DGKI: variants seen among roughly 807,000 people sequenced by gnomAD.
The protein encoded by DGKI is DAG kinase iota.
DGKI carries 55 observed loss-of-function variants against 147.5 expected under a neutral mutation model. That is an observed-to-expected ratio of 0.37 (90% CI 0.30 to 0.47). The LOEUF is 0.47. Ranked by LOEUF, DGKI falls within the 20% of genes least tolerant of loss-of-function variation. The pLI, the probability that DGKI is intolerant of heterozygous loss-of-function variation, is 1.00. For synonymous variants in DGKI, 469 were observed against 477.1 expected, an observed-to-expected ratio of 0.98 and a Z score of 0.22; for missense variants, 1,007 against 1,323.8, an observed-to-expected ratio of 0.76 and a Z score of 3.71.
chr7:137,624,858 G>A (rs943054892), intron 6 of DGKI, among the ~76,000 whole-genome samples: 23 of 151,964 alleles, frequency 1.5e-4, no homozygotes, highest in African/African-American at 5.1e-4. Context: ...TGCTCACCTC[G>A]GCCTCCCAAA....
chr7:137,386,490 T>C lies in DGKI; in HGVS notation c.*4730A>G, dbSNP rs1176885778. ...AATTCTATAAGATGATCAAGGTCAG[T>C]GGACATCCATGTGTCCTTTGAGTAA... On this transcript the variant is annotated 3_prime_UTR_variant, in exon 33 of 33. Coordinates refer to ENST00000614521, the MANE Select transcript of DGKI (RefSeq NM_001321708.2). 6.6e-6 allele frequency: 1 copy of C among 152,202 alleles called. No homozygotes were observed. The highest frequency in any genetic ancestry group is 1.9e-4 in the East Asian group (1 of 5,200). The allele number at this position is 152,202 out of a possible 1,614,324, so 9.4% of individuals were successfully genotyped here.
At chr7:137,545,899 C>T (rs1817846701) in intron 20 of DGKI, 1 of 702,446 alleles carries the variant, frequency 1.4e-6, no homozygotes, top group Non-Finnish European at 2.6e-6. Context: ...ACTGTACTCA[C>T]ATGGTGAAGG....
chr7:137,694,247 A>AG (rs963523713), intron 1 of DGKI, among the ~76,000 whole-genome samples: 7 of 150,658 alleles, frequency 4.6e-5, no homozygotes, highest in African/African-American at 1.7e-4. Flanking sequence ...CATGAACCCC[A>AG]GGGGGCGGAG....
chr7:137,607,097 A>G (rs1265779292), intron 10 of DGKI, among the ~76,000 whole-genome samples: 1 of 152,212 alleles, frequency 6.6e-6, no homozygotes, highest in Non-Finnish European at 1.5e-5. Flanking sequence ...TTTGCTGAAC[A>G]GGAATCTGCC....
chr7:137,648,730 T>C (rs1563131275), intron 5 of DGKI, among the ~76,000 whole-genome samples: 1 of 152,198 alleles, frequency 6.6e-6, no homozygotes, highest in African/African-American at 2.4e-5. Flanking sequence ...TGGACTGTGG[T>C]TGACCTTGGG....
chr7:137,668,451 G>A (rs561596642), intron 3 of DGKI, among the ~76,000 whole-genome samples: 1 of 152,160 alleles, frequency 6.6e-6, no homozygotes, highest in Non-Finnish European at 1.5e-5. Flanking sequence ...ATACTTAAAT[G>A]GCAGGGTTGA....
intron 1 of DGKI, among the ~76,000 whole-genome samples, chr7:137,752,183 G>A (rs1292254517): frequency 1.3e-5 from 2 of 152,002 alleles, no homozygotes; most frequent in African/African-American, 4.8e-5. Flanking sequence ...GGGGAGCAAA[G>A]AGGAAGAGGT....
At chr7:137,730,062 A>G (rs987116550) in intron 1 of DGKI, among the ~76,000 whole-genome samples, 5 of 152,120 alleles carry the variant, frequency 3.3e-5, no homozygotes, top group African/African-American at 4.8e-5. Context: ...CTCATTTTAA[A>G]TACTGGTGCT....
intron 8 of DGKI, among the ~76,000 whole-genome samples, chr7:137,612,104 G>A (rs1349284291): frequency 6.6e-6 from 1 of 151,830 alleles, no homozygotes; most frequent in Admixed American, 6.6e-5. Flanking sequence ...TGATTTTGAT[G>A]ATCAAGCACG....
At chr7:137,681,225 T>C (rs1396076378) in intron 2 of DGKI, among the ~76,000 whole-genome samples, 1 of 152,162 alleles carries the variant, frequency 6.6e-6, no homozygotes, top group Non-Finnish European at 1.5e-5. Context: ...TCACCAAAAC[T>C]TTTTCTTCTC....
intron 18 of DGKI, among the ~76,000 whole-genome samples, chr7:137,571,540 TCTCA>T (rs1219675065): frequency 1.3e-5 from 2 of 152,246 alleles, no homozygotes; most frequent in Non-Finnish European, 2.9e-5. Context: ...TATCTATATT[TCTCA>T]CTATGATTCA....
intron 28 of DGKI, among the ~76,000 whole-genome samples, chr7:137,435,191 A>C (rs1813234653): frequency 6.6e-6 from 1 of 152,232 alleles, no homozygotes. Flanking sequence ...CACAGCACAG[A>C]ATAGGGCAAT....
At chr7:137,767,316 G>GA (rs140054075) in intron 1 of DGKI, among the ~76,000 whole-genome samples, 8,811 of 151,848 alleles carry the variant, frequency 0.058, 268 homozygotes, top group East Asian at 0.12. Context: ...TGTCACAGGG[G>GA]AAAAAAAACT....
At chr7:137,490,633 G>A (rs897393145) in intron 21 of DGKI, among the ~76,000 whole-genome samples, 1 of 152,082 alleles carries the variant, frequency 6.6e-6, no homozygotes, top group Non-Finnish European at 1.5e-5. Context: ...TTTACATGGC[G>A]AAGAAAAAGC....
At chr7:137,476,982 A>C (rs1815193652) in intron 23 of DGKI, among the ~76,000 whole-genome samples, 1 of 152,226 alleles carries the variant, frequency 6.6e-6, no homozygotes. Context: ...GACTCAGCTC[A>C]AACAAAAGCA....
intron 20 of DGKI, among the ~76,000 whole-genome samples, chr7:137,551,117 C>A (rs1040905093): frequency 6.6e-6 from 1 of 152,082 alleles, no homozygotes; most frequent in Non-Finnish European, 1.5e-5. Flanking sequence ...CTAAAAAACA[C>A]CTCTGGAAAA....
Position 137,722,590 on chromosome 7 carries a change from G to A in DGKI, c.402-32588C>T, listed in dbSNP as rs534673374. ...TGTCATTGCCACCTCAACCAAAATC[G>A]ATATCAGCAATGTAAAAATCCCAAA... On this transcript the variant is annotated intron_variant, in intron 1 of 32. Transcript: ENST00000614521. The A allele has an allele frequency of 1.6e-4, 257 of 1,576,056 alleles. 1 individual carries two copies. The South Asian group carries it at 1.9e-3, about 12-fold the overall frequency.
At chr7:137,598,872 T>C (rs1819888489) in intron 11 of DGKI, among the ~76,000 whole-genome samples, 1 of 151,848 alleles carries the variant, frequency 6.6e-6, no homozygotes, top group South Asian at 2.1e-4. Flanking sequence ...AATAAATATA[T>C]ATATATGTAT....
chr7:137,530,205 C>A (rs1817291494), intron 20 of DGKI, among the ~76,000 whole-genome samples: 1 of 152,176 alleles, frequency 6.6e-6, no homozygotes, highest in Admixed American at 6.5e-5. Context: ...ATTCACCTGA[C>A]TTCACTTTTC....
Sources: gnomAD v4.1 joint callset for allele counts (sites outside exome capture counted in the v4.1 genomes callset) on GRCh38, gnomAD v4.1.1 for gene constraint, MANE v1.5 for transcripts, NCBI Gene and HGNC (gene_info 2026-07-23, HGNC 2026-07-21) for gene names.